The following GGA1 variants were observed in gnomAD, a reference collection of about 807,000 sequenced individuals.
GGA1 encodes the protein ADP-ribosylation factor-binding protein GGA1.
Under a neutral mutation model 76.9 loss-of-function variants are expected in GGA1, and 18 were observed. The ratio of observed to expected loss-of-function variants is 0.23; its 90% CI spans 0.16 to 0.35. The LOEUF is 0.35. Ranked by LOEUF, GGA1 falls within the 10% of genes least tolerant of loss-of-function variation. The pLI is 1.00. For synonymous variants in GGA1, 342 were observed against 354.7 expected (o/e 0.96, Z 0.40); for missense variants, 755 against 859.0 (o/e 0.88, Z 1.51).
At chr22:37,611,133 C>T (rs1006949000) in intron 1 of GGA1, among the ~76,000 whole-genome samples, 2 of 152,148 alleles carry the variant, frequency 1.3e-5, no homozygotes, top group African/African-American at 2.4e-5. Flanking sequence ...TTTGGGGACT[C>T]GGAGGCAGAG....
At position 37,632,210 on chromosome 22, in the gene GGA1, A is replaced by AGG. The variant is rs1258280890; in HGVS notation, c.1698+47_1698+48dup. 1.9e-6 allele frequency: 3 copies of AGG among 1,572,798 alleles called. No homozygotes were observed. Among genetic ancestry groups the AGG allele is most frequent in the Non-Finnish European group, 2.6e-6 (3 of 1,149,582 alleles). On this transcript the variant is annotated intron_variant, in intron 15 of 16. Transcript: ENST00000343632. The surrounding 1 kb of genome is among the most constrained non-coding windows in gnomAD (Gnocchi z 5.1). ...GGGCATGCCTCCCTCCTCTCAAGGC[A>AGG]GGGTGACATGGAGCTGGGTGGGGAG... is the stretch of plus-strand genomic sequence containing the variant.
intron 2 of GGA1, among the ~76,000 whole-genome samples, chr22:37,614,796 T>C (rs1162551963): frequency 2.6e-5 from 4 of 152,050 alleles, no homozygotes; most frequent in Non-Finnish European, 5.9e-5. Context: ...GTGGCCAACA[T>C]GGTGACACCC....
In GGA1 at chr22:37,631,083, G is replaced by A. The variant is rs755189073; in HGVS notation, c.1512G>A (p.Leu504=). 1.5e-5 allele frequency: 24 copies of A among 1,591,906 alleles called. No homozygotes were observed. Among genetic ancestry groups the A allele is most frequent in the Non-Finnish European group, 2.0e-5 (23 of 1,171,244 alleles). ...CACTGGCCAGCATCACTGTGCCCCT[G>A]GAGTCCATCAAACCCAGTGAGTAGG... ...ELSLASITVP[L]ESIKPSNILP... The change falls in exon 14 of 17, where the codon CTG becomes CTA. Residue 504 remains leucine (L), a synonymous_variant. Transcript: ENST00000343632.
chr22:37,614,198 A>G lies in GGA1; in HGVS notation c.52A>G (p.Thr18Ala). 1 of 1,612,886 alleles carries G rather than the reference A, an allele frequency of 6.2e-7. No homozygotes were observed. Among genetic ancestry groups the G allele is most frequent in the Non-Finnish European group, 8.5e-7 (1 of 1,179,140 alleles). ...CAGCTCTCCTCTTCCAGATAGAGCC[A>G]CGAACCCCCTGAACAAGGAGCTCGA... is the stretch of plus-strand genomic sequence containing the variant. The part of the protein sequence containing the change: ...ETLEARINRA[T>A]NPLNKELDWA... Residue 18 changes from threonine to alanine, a missense_variant, in exon 2 of 17, where the codon ACG becomes GCG. By Grantham distance (58) the Thr-to-Ala change is moderately conservative. Transcript: ENST00000343632.
chr22:37,609,906 G>A (rs930160876), intron 1 of GGA1, among the ~76,000 whole-genome samples: 4 of 152,204 alleles, frequency 2.6e-5, no homozygotes, highest in Non-Finnish European at 4.4e-5. Context: ...CCCCTTTTAA[G>A]CCAGGCTTGA....
At chr22:37,622,995 G>A (rs1261559639) in intron 7 of GGA1, among the ~76,000 whole-genome samples, 2 of 152,198 alleles carry the variant, frequency 1.3e-5, no homozygotes, top group East Asian at 3.9e-4. Context: ...ACACAAGGAG[G>A]GCAAGAGTCA....
Position 37,618,429 on chromosome 22 carries a change from ATCCCCCC to A in GGA1, c.205-14_205-8del. 6.9e-7 allele frequency: 1 copy of A among 1,456,158 alleles called. No homozygotes were observed. The highest frequency in any genetic ancestry group is 9.6e-7 in the Non-Finnish European group (1 of 1,037,644). 90.2% of individuals were successfully genotyped at this position (1,456,158 alleles called of 1,614,324 possible). On this transcript the variant is annotated splice_polypyrimidine_tract_variant and intron_variant, in intron 3 of 16. Coordinates refer to ENST00000343632, the MANE Select transcript of GGA1 (RefSeq NM_013365.5). Reference sequence around the variant, plus strand: ...CTGATGCACCTGGGCGTCCCCTCCCATCCCCCCTCCCTGCACAGGTGCTGGAAACATG... The same window carrying A: ...CTGATGCACCTGGGCGTCCCCTCCCATCCCTGCACAGGTGCTGGAAACATG...
Position 37,625,869 on chromosome 22 carries a change from C to T in GGA1, c.1013C>T (p.Pro338Leu). ...GCGGGCACCACCTACCCAGCTATGCCCACCCGCCCTGGCGAGCAGGCCAGC... is the reference window on the plus strand; with the variant it reads ...GCGGGCACCACCTACCCAGCTATGCTCACCCGCCCTGGCGAGCAGGCCAGC... ...PPAGTTYPAM[P>L]TRPGEQASPE... The change falls in exon 11 of 17, where the codon CCC (proline) becomes CTC (leucine). Residue 338 changes from proline to leucine, a missense_variant. By Grantham distance (98) the Pro-to-Leu change is moderately conservative (BLOSUM62 -3). Coordinates refer to ENST00000343632, the MANE Select transcript of GGA1 (RefSeq NM_013365.5). This position sits in a 1 kb window ranked among gnomAD's most constrained non-coding sequence, Gnocchi z 4.1. 1 of 1,612,008 alleles carries T rather than the reference C, an allele frequency of 6.2e-7. No homozygotes were observed.
At chr22:37,609,546 CT>C (rs1927093423) in intron 1 of GGA1, among the ~76,000 whole-genome samples, 1 of 152,216 alleles carries the variant, frequency 6.6e-6, no homozygotes, top group Admixed American at 6.5e-5. Context: ...AGCCTAACCC[CT>C]CAGTCTCCAA....
At chr22:37,611,232 T>A (rs1467923438) in intron 1 of GGA1, among the ~76,000 whole-genome samples, 1 of 152,050 alleles carries the variant, frequency 6.6e-6, no homozygotes. Context: ...TCTGAGGGAC[T>A]AGAGGGTCTT....
chr22:37,615,919 C>T (rs1242335422), intron 2 of GGA1, among the ~76,000 whole-genome samples: 2 of 151,556 alleles, frequency 1.3e-5, no homozygotes, highest in Non-Finnish European at 2.9e-5. Context: ...CGGCTCACTG[C>T]AAGCTCCGCC....
intron 2 of GGA1, among the ~76,000 whole-genome samples, chr22:37,616,187 C>T (rs921324918): frequency 2.0e-5 from 3 of 152,254 alleles, no homozygotes; most frequent in South Asian, 4.1e-4. Context: ...ACTAAAGTTT[C>T]GGGACCACAA....
rs1931429160 is a variant in GGA1 at position 37,629,623 on chromosome 22, C to T, written c.1158+97C>T. Reference sequence around the variant, plus strand: ...GAGAAACTAAAAGGATGGATGGGCTCTACTCAAGAGCCCAGGGCCAGGGGG... The same window carrying T: ...GAGAAACTAAAAGGATGGATGGGCTTTACTCAAGAGCCCAGGGCCAGGGGG... On this transcript the variant is annotated intron_variant, in intron 12 of 16. Transcript: ENST00000343632. 3.9e-6 allele frequency: 3 copies of T among 774,536 alleles called. No homozygotes were observed. The African/African-American group carries it at 5.6e-5, about 14-fold the overall frequency. 48.0% of individuals were successfully genotyped at this position (774,536 alleles called of 1,614,324 possible).
chr22:37,632,629 C>T lies in GGA1; in HGVS notation c.1838C>T (p.Thr613Ile). 1 of 1,613,424 alleles carries T rather than the reference C, an allele frequency of 6.2e-7. No homozygotes were observed. The highest frequency in any genetic ancestry group is 8.5e-7 in the Non-Finnish European group (1 of 1,179,450). Reference protein sequence around the residue: ...KEKVRLRYKLTFTMGDQTYNE... With the variant: ...KEKVRLRYKLIFTMGDQTYNE... ...AAGGTTCGCCTCCGCTACAAGCTCA[C>T]CTTCACCATGGGTGACCAGACCTAC... Residue 613 changes from threonine to isoleucine, a missense_variant, in exon 17 of 17, where the codon ACC becomes ATC. By Grantham distance (89) the Thr-to-Ile change is moderately conservative. Coordinates refer to ENST00000343632, the MANE Select transcript of GGA1 (RefSeq NM_013365.5). The surrounding 1 kb of genome is among the most constrained non-coding windows in gnomAD (Gnocchi z 5.1).
chr22:37,617,334 C>T, intron 3 of GGA1: 2 of 1,214,972 alleles, frequency 1.6e-6, no homozygotes, highest in Non-Finnish European at 2.1e-6. Flanking sequence ...GCCGAGGCCA[C>T]ACTCCTGGAG....
chr22:37,609,899 C>T (rs898631195), intron 1 of GGA1, among the ~76,000 whole-genome samples: 6 of 152,226 alleles, frequency 3.9e-5, no homozygotes, highest in Admixed American at 3.9e-4. Context: ...TGGCCGGCCC[C>T]TTTTAAGCCA....
intron 3 of GGA1, 43 bp downstream of exon 3, chr22:37,617,040 GA>G (rs753438570): frequency 1.9e-6 from 3 of 1,567,052 alleles, no homozygotes; most frequent in Non-Finnish European, 2.6e-6. Flanking sequence ...GCCATGTGAC[GA>G]CACCAAGGGA....
In GGA1 at chr22:37,624,709, G is replaced by A; in HGVS notation, c.833-260G>A. The A allele has an allele frequency of 4.7e-6, 2 of 426,484 alleles. No individual in the cohort carries two copies. The highest frequency in any genetic ancestry group is 4.4e-5 in the South Asian group (2 of 45,006). 26.4% of individuals were successfully genotyped at this position (426,484 alleles called of 1,614,324 possible). ...GGGGCAGCCAGAGAGCAGAGCTGGA[G>A]TGGAGGCCTGGAGGCGGGAGCGGGC... is the stretch of plus-strand genomic sequence containing the variant. On this transcript the variant is annotated intron_variant, in intron 9 of 16. Coordinates refer to ENST00000343632, the MANE Select transcript of GGA1 (RefSeq NM_013365.5). This position sits in a 1 kb window ranked among gnomAD's most constrained non-coding sequence, Gnocchi z 4.3.
At position 37,621,696 on chromosome 22, in the gene GGA1, G is replaced by T; in HGVS notation, c.609G>T (p.Glu203Asp). ...ANKLIKEMVQEDQKRMEKISK... is the reference protein window; with the variant it reads ...ANKLIKEMVQDDQKRMEKISK... ...AGCTCATCAAAGAGATGGTGCAGGA[G>T]GTAGCGGCCGAGCCCAGAGCACAGG... The change falls in exon 7 of 17, where the codon GAG becomes GAT. Residue 203 changes from glutamate to aspartate, a missense_variant and splice_region_variant. Transcript: ENST00000343632. The T allele has an allele frequency of 6.4e-7, 1 of 1,552,670 alleles. No homozygotes were observed. The highest frequency in any genetic ancestry group is 1.2e-5 in the South Asian group (1 of 84,200).
Sources: gnomAD v4.1 joint callset for allele counts (sites outside exome capture counted in the v4.1 genomes callset) on GRCh38, gnomAD v4.1.1 for gene constraint, Gnocchi (gnomAD v3.1) non-coding constraint, MANE v1.5 for transcripts, NCBI Gene and HGNC (gene_info 2026-07-23, HGNC 2026-07-21) for gene names.